The following USP14 variants were observed in gnomAD, a reference collection of about 807,000 sequenced individuals.
The protein encoded by USP14 is ubiquitin specific peptidase 14.
USP14 carries 38 observed loss-of-function variants against 76.5 expected under a neutral mutation model. The observed-to-expected ratio is 0.50, with a 90% CI of 0.38 to 0.65. The LOEUF is 0.65. USP14 is among the 30% of genes least tolerant of loss of function. The pLI is 0.00. For synonymous variants in USP14, 192 were observed against 191.7 expected (o/e 1.00, Z -0.01); for missense variants, 467 against 586.5 (o/e 0.80, Z 2.10).
intron 3 of USP14, among the ~76,000 whole-genome samples, chr18:173,300 A>G (rs767636421): frequency 3.3e-5 from 5 of 149,790 alleles, no homozygotes; most frequent in East Asian, 4.0e-4. Context: ...TTTAGTAGAG[A>G]CGGGGTTTCA....
At chr18:189,343 T>C (rs1910022987) in intron 5 of USP14, among the ~76,000 whole-genome samples, 1 of 152,220 alleles carries the variant, frequency 6.6e-6, no homozygotes, top group Non-Finnish European at 1.5e-5. Flanking sequence ...GTGGATTGTT[T>C]ACTTACCCTT....
Position 163,435 on chromosome 18 carries a change from G to A in USP14, c.144G>A (p.Val48=), listed in dbSNP as rs751165755. ...AGCCTGCCAGACAGAAAGTTATGGT[G>A]AAAGGAGGAACGCTAAAGGTAAAAT... ...GVQPARQKVM[V]KGGTLKDDDW... Residue 48 remains valine (V), a synonymous_variant, in exon 2 of 16, where the codon GTG becomes GTA. Transcript: ENST00000261601. 1 of 1,613,404 alleles carries A rather than the reference G, an allele frequency of 6.2e-7. No individual in the cohort carries two copies. The highest frequency in any genetic ancestry group is 8.5e-7 in the Non-Finnish European group (1 of 1,179,734).
chr18:205,893 C>T (rs1451151226), intron 13 of USP14, among the ~76,000 whole-genome samples: 1 of 152,198 alleles, frequency 6.6e-6, no homozygotes, highest in African/African-American at 2.4e-5. Flanking sequence ...ATCAGTTGCT[C>T]CTTCCATTTC....
chr18:202,945 T>G lies in USP14; in HGVS notation c.942T>G (p.Ser314=), dbSNP rs1290535307. 2.5e-6 allele frequency: 4 copies of G among 1,614,136 alleles called. No individual in the cohort carries two copies. ...AAAGAAATGCCTTGTATATCAAATC[T>G]GTAAGTTATGCAGTCCTTTCGAAGC... ...TLQRNALYIK[S]SKISRLPAYL... is the part of the protein sequence containing the mutation. The change falls in exon 11 of 16, where the codon TCT becomes TCG. Residue 314 remains serine (S), a splice_region_variant and synonymous_variant. Coordinates refer to ENST00000261601, the MANE Select transcript of USP14 (RefSeq NM_005151.4).
intron 5 of USP14, among the ~76,000 whole-genome samples, chr18:188,318 A>G (rs911629013): frequency 3.9e-5 from 6 of 152,172 alleles, no homozygotes; most frequent in African/African-American, 1.4e-4. Context: ...ACCTAGTACT[A>G]AGATTTTTCT....
chr18:163,358 G>A lies in USP14; in HGVS notation c.67G>A (p.Asp23Asn), dbSNP rs1255214807. Residue 23 changes from aspartate (D) to asparagine (N), a missense_variant, in exon 2 of 16, where the codon GAT (aspartate) becomes AAT (asparagine). Coordinates refer to ENST00000261601, the MANE Select transcript of USP14 (RefSeq NM_005151.4). ...EKFEGVELNT[D>N]EPPMVFKAQL... Reference sequence around the variant, plus strand: ...ATTTGAAGGTGTAGAATTGAATACAGATGAACCTCCAATGGTATTCAAGGC... The same window carrying A: ...ATTTGAAGGTGTAGAATTGAATACAAATGAACCTCCAATGGTATTCAAGGC... 1 of 1,613,908 alleles carries A rather than the reference G, an allele frequency of 6.2e-7. No individual in the cohort carries two copies. The highest frequency in any genetic ancestry group is 1.3e-5 in the African/African-American group (1 of 74,912).
rs1046178435 is a variant in USP14, at chr18:181,752, T to G, written c.404+1413T>G. Among the ~76,000 whole-genome samples, 10 of 152,196 alleles carry G rather than the reference T, an allele frequency of 6.6e-5. 1 individual carries two copies. Among genetic ancestry groups the G allele is most frequent in the African/African-American group, 2.4e-4 (10 of 41,454 alleles). On this transcript the variant is annotated intron_variant, in intron 5 of 15. Transcript: ENST00000261601. ...GATGTAGTTTAATCTTAATTTTAAT[T>G]TTTTCTTTTATCACATATGCTTTTG...
chr18:192,947 AT>A, intron 6 of USP14, 47 bp downstream of exon 6: 2 of 1,513,308 alleles, frequency 1.3e-6, no homozygotes, highest in Non-Finnish European at 9.1e-7. Flanking sequence ...AAGACATTCT[AT>A]TTTTCGCTCA....
chr18:165,819 G>A (rs1480441968), intron 2 of USP14, among the ~76,000 whole-genome samples: 2 of 152,048 alleles, frequency 1.3e-5, no homozygotes, highest in East Asian at 1.9e-4. Flanking sequence ...GGGCCTTTAG[G>A]AAGTTACCGT....
intron 3 of USP14, among the ~76,000 whole-genome samples, chr18:167,044 T>A (rs1199580428): frequency 6.6e-6 from 1 of 152,112 alleles, no homozygotes; most frequent in Non-Finnish European, 1.5e-5. Context: ...AAAGTTACAC[T>A]AGTACCAAAT....
intron 14 of USP14, 137 bp downstream of exon 14, chr18:210,168 T>C: frequency 3.9e-6 from 3 of 774,560 alleles, no homozygotes; most frequent in Non-Finnish European, 6.1e-6. Flanking sequence ...TTTACCTTAA[T>C]GACATATAGT....
At chr18:159,257 T>C (rs990536560) in intron 1 of USP14, among the ~76,000 whole-genome samples, 1 of 152,194 alleles carries the variant, frequency 6.6e-6, no homozygotes, top group African/African-American at 2.4e-5. Flanking sequence ...TTGTAAACCT[T>C]TTTGCTTCGT....
intron 3 of USP14, among the ~76,000 whole-genome samples, chr18:177,889 T>C (rs1034526515): frequency 6.6e-6 from 1 of 152,204 alleles, no homozygotes; most frequent in South Asian, 2.1e-4. Context: ...ATTTACTCTG[T>C]ATTTGGTTTG....
chr18:186,510 T>G (rs917084184), intron 5 of USP14, among the ~76,000 whole-genome samples: 1 of 151,710 alleles, frequency 6.6e-6, no homozygotes, highest in African/African-American at 2.4e-5. Context: ...CCCAGCACTT[T>G]GGGAGGCTGA....
At position 211,679 on chromosome 18, in the gene USP14, T is replaced by G. The variant is rs1910672908; in HGVS notation, c.*395T>G. 6.4e-6 allele frequency: 1 copy of G among 155,060 alleles called. No homozygotes were observed. Among genetic ancestry groups the G allele is most frequent in the Admixed American group, 6.5e-5 (1 of 15,412 alleles). The allele number at this position is 155,060 out of a possible 1,614,324, so 9.6% of individuals were successfully genotyped here. A position where few individuals can be genotyped will look rare whatever the true frequency, so the allele number is the denominator to read the frequency against. ...CTATTATTTGCTGTTCTTGCATGGT[T>G]CAAACCACCATTCTGTAGCCACCCA... On this transcript the variant is annotated 3_prime_UTR_variant, in exon 16 of 16. Coordinates refer to ENST00000261601, the MANE Select transcript of USP14 (RefSeq NM_005151.4).
rs568071265 is a variant in USP14, at chr18:166,801, A to G, written c.177A>G (p.Gly59=). Residue 59 remains glycine (G), a synonymous_variant, in exon 3 of 16, where the codon GGA becomes GGG. Coordinates refer to ENST00000261601, the MANE Select transcript of USP14 (RefSeq NM_005151.4). ...CTTTGAAACAGGATGATGATTGGGG[A>G]AACATCAAAATAAAAAATGTAAGTA... is the stretch of plus-strand genomic sequence containing the variant. ...KGGTLKDDDW[G]NIKIKNGMTL... The G allele has an allele frequency of 3.0e-5, 49 of 1,612,466 alleles. No individual in the cohort carries two copies. The African/African-American group carries it at 6.1e-4, about 20-fold the overall frequency.
At chr18:173,207 A>G (rs1196089535) in intron 3 of USP14, among the ~76,000 whole-genome samples, 1 of 147,662 alleles carries the variant, frequency 6.8e-6, no homozygotes, top group South Asian at 2.1e-4. Context: ...CTCCTGGTTC[A>G]CGCCATTCTC....
At chr18:182,771 G>A (rs1172957485) in intron 5 of USP14, among the ~76,000 whole-genome samples, 1 of 152,208 alleles carries the variant, frequency 6.6e-6, no homozygotes, top group African/African-American at 2.4e-5. Flanking sequence ...TGAGAGGTTA[G>A]GGAAGTGTGA....
At chr18:165,379 G>A (rs1009168599) in intron 2 of USP14, among the ~76,000 whole-genome samples, 1 of 152,206 alleles carries the variant, frequency 6.6e-6, no homozygotes, top group African/African-American at 2.4e-5. Flanking sequence ...AACACACGTT[G>A]GAGGAAAATC....
Sources: gnomAD v4.1 joint callset for allele counts (sites outside exome capture counted in the v4.1 genomes callset) on GRCh38, gnomAD v4.1.1 for gene constraint, MANE v1.5 for transcripts, NCBI Gene and HGNC (gene_info 2026-07-23, HGNC 2026-07-21) for gene names.